Variants in RIPK3 observed in about 807,000 individuals in gnomAD.
The protein encoded by RIPK3 is receptor interacting serine/threonine kinase 3.
Under a neutral mutation model 51.6 loss-of-function variants are expected in RIPK3, and 51 were observed. The observed-to-expected ratio is 0.99, with a 90% CI of 0.79 to 1.25. The LOEUF (loss-of-function observed/expected upper bound fraction) is 1.25. RIPK3 is among the 50% of genes most tolerant of loss of function. RIPK3 has a pLI of 0.00. For synonymous variants in RIPK3, 246 were observed against 257.7 expected (o/e 0.95, Z 0.44); for missense variants, 654 against 650.4 (o/e 1.01, Z -0.06).
intron 3 of RIPK3, 108 bp downstream of exon 3, chr14:24,338,907 C>T (rs1402509642): frequency 3.3e-6 from 3 of 921,404 alleles, no homozygotes; most frequent in Admixed American, 4.4e-5. Context: ...GAGAGAGAGG[C>T]TACGCCTATT....
Position 24,339,187 on chromosome 14 carries a change from C to A in RIPK3, c.299G>T (p.Gly100Val), listed in dbSNP as rs1387724761. The stretch of plus-strand genomic sequence containing the variant: ...GGACTGCAGCAGCCCCGACAAGGAG[C>A]CGTTCTCCATGAATTTAGTCACCAG... ...PALVTKFMEN[G>V]SLSGLLQSQC... Residue 100 changes from glycine (G) to valine (V), a missense_variant, in exon 3 of 10, where the codon GGC becomes GTC. Gly to Val is a moderately radical substitution (Grantham distance 109). Transcript: ENST00000216274. The surrounding 1 kb of genome is among the most constrained non-coding windows in gnomAD (Gnocchi z 4.0). The A allele has an allele frequency of 1.2e-6, 2 of 1,614,264 alleles. No individual in the cohort carries two copies. The highest frequency in any genetic ancestry group is 3.3e-5 in the Admixed American group (2 of 60,036).
rs1357584055 is a variant in RIPK3, at chr14:24,337,734, G to T, written c.861C>A (p.Phe287Leu). 6.2e-7 allele frequency: 1 copy of T among 1,613,624 alleles called. No homozygotes were observed. Residue 287 changes from phenylalanine (F) to leucine (L), a missense_variant, in exon 7 of 10, where the codon TTC becomes TTA. Phe to Leu is a conservative substitution (Grantham distance 22, BLOSUM62 0). Coordinates refer to ENST00000216274, the MANE Select transcript of RIPK3 (RefSeq NM_006871.4). ...CATTCATATTGTTCTCCACCATCTG[G>T]AAGACTTCATCAGTTTTTGGTAGGC... ...QECLPKTDEV[F>L]QMVENNMNAA...
chr14:24,337,204 C>T lies in RIPK3; in HGVS notation c.1157G>A (p.Gly386Asp), dbSNP rs1473809460. 1.2e-6 allele frequency: 2 copies of T among 1,613,550 alleles called. No homozygotes were observed. Among genetic ancestry groups the T allele is most frequent in the South Asian group, 1.1e-5 (1 of 91,090 alleles). ...TTGGGCCATCGAATCTGAAGATGTGCCTGCTGTCCAGGCTTGTGGAACCTG... is the reference window on the plus strand; with the variant it reads ...TTGGGCCATCGAATCTGAAGATGTGTCTGCTGTCCAGGCTTGTGGAACCTG... The part of the protein sequence containing the change: ...EEQVPQAWTA[G>D]TSSDSMAQPP... Residue 386 changes from glycine (G) to aspartate (D), a missense_variant, in exon 8 of 10, where the codon GGC (glycine) becomes GAC (aspartate). Gly to Asp is a moderately conservative substitution (Grantham distance 94). Transcript: ENST00000216274.
chr14:24,337,789 G>A (rs964087733), intron 6 of RIPK3, 27 bp from the exon 7 acceptor site: 1 of 1,614,002 alleles, frequency 6.2e-7, no homozygotes. Flanking sequence ...GTGGAGTGCA[G>A]GTGAGCAAAT....
At chr14:24,337,623 C>A in intron 7 of RIPK3, 72 bp downstream of exon 7, 2 of 1,537,936 alleles carry the variant, frequency 1.3e-6, no homozygotes, top group South Asian at 2.2e-5. Flanking sequence ...AGTGGTGAGT[C>A]ATTGGATGGC....
In RIPK3 at chr14:24,339,892, G is replaced by T; in HGVS notation, c.-66C>A. ...CGTAGGAGATGGAGTGACTTCTGGG[G>T]CTTGGTCCTTTCGCAGAGAGGGGAA... On this transcript the variant is annotated 5_prime_UTR_variant, in exon 1 of 10. Transcript: ENST00000216274. This position sits in a 1 kb window ranked among gnomAD's most constrained non-coding sequence, Gnocchi z 4.0. 6.6e-7 allele frequency: 1 copy of T among 1,508,114 alleles called. No homozygotes were observed. The highest frequency in any genetic ancestry group is 8.9e-7 in the Non-Finnish European group (1 of 1,123,438). The allele number at this position is 1,508,114 out of a possible 1,614,324, so 93.4% of individuals were successfully genotyped here. A position where few individuals can be genotyped will look rare whatever the true frequency, so the allele number is the denominator to read the frequency against.
chr14:24,337,850 A>C, intron 6 of RIPK3, 23 bp downstream of exon 6: 1 of 1,613,488 alleles, frequency 6.2e-7, no homozygotes, highest in East Asian at 2.2e-5. Flanking sequence ...CTTATCCTAG[A>C]TCCAGCTAAC....
In RIPK3 at chr14:24,339,495, C is replaced by T. The variant is rs188388321; in HGVS notation, c.123G>A (p.Arg41=). ...GFGTVFRAQH[R]KWGYDVAVKI... is the part of the protein sequence containing the mutation. Reference sequence around the variant, plus strand: ...TGACCGCCACATCGTAGCCCCACTTCCTATGTTGCGCCCGGAACACTGTGC... The same window carrying T: ...TGACCGCCACATCGTAGCCCCACTTTCTATGTTGCGCCCGGAACACTGTGC... Residue 41 remains arginine (R), a synonymous_variant, in exon 2 of 10, where the codon AGG becomes AGA. Coordinates refer to ENST00000216274, the MANE Select transcript of RIPK3 (RefSeq NM_006871.4). The surrounding 1 kb of genome is among the most constrained non-coding windows in gnomAD (Gnocchi z 4.0). 14 of 1,614,210 alleles carry T rather than the reference C, an allele frequency of 8.7e-6. No homozygotes were observed. The African/African-American group carries it at 1.3e-4, about 15-fold the overall frequency.
At chr14:24,337,833 A>C in intron 6 of RIPK3, 40 bp downstream of exon 6, 1 of 1,613,334 alleles carries the variant, frequency 6.2e-7, no homozygotes, top group Non-Finnish European at 8.5e-7. Context: ...CTGCTGACAG[A>C]CCCAAGCTTA....
Position 24,339,937 on chromosome 14 carries a change from G to A in RIPK3, c.-111C>T. ...GGGGAAGGGGTCTGTCTGTGCAGGG[G>A]TCAGTCTCTAGACCAAGACGGTGAG... On this transcript the variant is annotated 5_prime_UTR_variant, in exon 1 of 10. Coordinates refer to ENST00000216274, the MANE Select transcript of RIPK3 (RefSeq NM_006871.4). The surrounding 1 kb of genome is among the most constrained non-coding windows in gnomAD (Gnocchi z 4.0). 1.7e-6 allele frequency: 2 copies of A among 1,208,114 alleles called. No individual in the cohort carries two copies. Among genetic ancestry groups the A allele is most frequent in the South Asian group, 1.5e-5 (1 of 66,130 alleles). 74.8% of individuals were successfully genotyped at this position (1,208,114 alleles called of 1,614,324 possible).
intron 7 of RIPK3, 113 bp downstream of exon 7, chr14:24,337,582 T>C (rs938642490): frequency 6.3e-7 from 1 of 1,578,324 alleles, no homozygotes. Context: ...GGACGGTGGG[T>C]ACAAAGGTCA....
rs762020954 is a variant in RIPK3, at chr14:24,339,351, G to T, written c.162-27C>A. ...TACACTCCAGGAGAGAGCTGGAGTC[G>T]CACCGGGGTCGTGGGAAAATCCCTC... On this transcript the variant is annotated intron_variant, in intron 2 of 9. Transcript: ENST00000216274. The surrounding 1 kb of genome is among the most constrained non-coding windows in gnomAD (Gnocchi z 4.0). 6.2e-7 allele frequency: 1 copy of T among 1,606,890 alleles called. No homozygotes were observed. The highest frequency in any genetic ancestry group is 1.1e-5 in the South Asian group (1 of 90,702).
intron 3 of RIPK3, 77 bp from the exon 4 acceptor site, chr14:24,338,644 G>A (rs2042159546): frequency 6.6e-7 from 1 of 1,523,796 alleles, no homozygotes; most frequent in Non-Finnish European, 8.8e-7. Context: ...CCTGCCCCCA[G>A]AAGGTGCAGG....
Position 24,337,901 on chromosome 14 carries a change from A to C in RIPK3, c.804T>G (p.Ser268Arg). The stretch of plus-strand genomic sequence containing the variant: ...GGAAGGAGGGTCTGTCCTTGGGCTC[A>C]CTGCTCCAGCAGAGCTGCATTAGCT... ...LKELMQLCWS[S>R]EPKDRPSFQE... The change falls in exon 6 of 10, where the codon AGT becomes AGG. Residue 268 changes from serine (S) to arginine (R), a missense_variant. Transcript: ENST00000216274. The C allele has an allele frequency of 1.2e-6, 2 of 1,614,196 alleles. No individual in the cohort carries two copies. Among genetic ancestry groups the C allele is most frequent in the South Asian group, 2.2e-5 (2 of 91,084 alleles).
At position 24,339,859 on chromosome 14, in the gene RIPK3, T is replaced by G; in HGVS notation, c.-33A>C. The G allele has an allele frequency of 6.5e-7, 1 of 1,544,764 alleles. No homozygotes were observed. The highest frequency in any genetic ancestry group is 1.3e-5 in the South Asian group (1 of 78,548). Reference sequence around the variant, plus strand: ...GAAGGTGCCAGGGGGCCTCTGGAAATTGCGAGCCGTAGGAGATGGAGTGAC... The same window carrying G: ...GAAGGTGCCAGGGGGCCTCTGGAAAGTGCGAGCCGTAGGAGATGGAGTGAC... On this transcript the variant is annotated 5_prime_UTR_variant, in exon 1 of 10. Transcript: ENST00000216274. The surrounding 1 kb of genome is among the most constrained non-coding windows in gnomAD (Gnocchi z 4.0).
rs762812681 is a variant in RIPK3 at position 24,339,817 on chromosome 14, C to A, written c.10G>T (p.Val4Phe). MSC[V>F]KLWPSGAPAP... is the part of the protein sequence containing the mutation. ...CCACTCCCTACTCACCATAACTTGA[C>A]GCACGACATCAGGCTGGAAGGTGCC... The change falls in exon 1 of 10, where the codon GTC (valine) becomes TTC (phenylalanine). Residue 4 changes from valine (V) to phenylalanine (F), a missense_variant. Coordinates refer to ENST00000216274, the MANE Select transcript of RIPK3 (RefSeq NM_006871.4). The surrounding 1 kb of genome is among the most constrained non-coding windows in gnomAD (Gnocchi z 4.0). The A allele has an allele frequency of 6.4e-7, 1 of 1,574,748 alleles. No individual in the cohort carries two copies. Among genetic ancestry groups the A allele is most frequent in the African/African-American group, 1.4e-5 (1 of 73,474 alleles).
In RIPK3 at chr14:24,339,609, G is replaced by A; in HGVS notation, c.21-12C>T. On this transcript the variant is annotated splice_polypyrimidine_tract_variant and intron_variant, in intron 1 of 9. Transcript: ENST00000216274. This position sits in a 1 kb window ranked among gnomAD's most constrained non-coding sequence, Gnocchi z 4.0. ...GGGCACCGCTGGGCCTGAGAGAGGG[G>A]TGTCGCCCACTAGCCGGCCGTGCCG... is the stretch of plus-strand genomic sequence containing the variant. The A allele has an allele frequency of 6.2e-7, 1 of 1,613,754 alleles. No individual in the cohort carries two copies. Among genetic ancestry groups the A allele is most frequent in the Non-Finnish European group, 8.5e-7 (1 of 1,179,836 alleles).
chr14:24,336,819 T>C lies in RIPK3; in HGVS notation c.1336+66A>G, dbSNP rs183032643. On this transcript the variant is annotated intron_variant, in intron 9 of 9. Coordinates refer to ENST00000216274, the MANE Select transcript of RIPK3 (RefSeq NM_006871.4). ...CCACAAAGTACCCTGAATCTAGATA[T>C]AGGTCTGGAGGAGGAGTCTGGTGGA... The C allele has an allele frequency of 3.7e-6, 5 of 1,336,686 alleles. No individual in the cohort carries two copies. The Admixed American group carries it at 5.0e-5, about 13-fold the overall frequency. The allele number at this position is 1,336,686 out of a possible 1,614,324, so 82.8% of individuals were successfully genotyped here.
chr14:24,336,438 A>C, intron 9 of RIPK3, 43 bp from the exon 10 acceptor site: 1 of 1,592,662 alleles, frequency 6.3e-7, no homozygotes, highest in Non-Finnish European at 8.5e-7. Flanking sequence ...TTTAGCTGTC[A>C]GAAAGGCCAA....
Sources: gnomAD v4.1 joint callset for allele counts on GRCh38, gnomAD v4.1.1 for gene constraint, Gnocchi (gnomAD v3.1) non-coding constraint, MANE v1.5 for transcripts, NCBI Gene and HGNC (gene_info 2026-07-23, HGNC 2026-07-21) for gene names.